The following SMARCAD1 variants were observed in gnomAD, a reference collection of about 807,000 sequenced individuals.
SMARCAD1 encodes SNF2 related chromatin remodeling ATPase with DExD box 1.
A neutral mutation model predicts 127.1 loss-of-function variants in SMARCAD1; 25 were observed. The observed-to-expected ratio is 0.20, with a 90% CI of 0.14 to 0.27. The LOEUF (loss-of-function observed/expected upper bound fraction) is 0.27, where lower values mean the gene tolerates loss of function less well. SMARCAD1 is among the 10% of genes least tolerant of loss of function. The probability of loss-of-function intolerance (pLI) is 1.00; values close to 1 mark genes in which losing one functional copy is unlikely to be tolerated. For synonymous variants in SMARCAD1, 400 were observed against 396.9 expected, an observed-to-expected ratio of 1.01 and a Z score of -0.09; for missense variants, 807 against 1,206.0, an observed-to-expected ratio of 0.67 and a Z score of 4.90.
intron 2 of SMARCAD1, among the ~76,000 whole-genome samples, chr4:94,221,768 G>T (rs1160477693): frequency 1.3e-5 from 2 of 152,182 alleles, no homozygotes; most frequent in Admixed American, 6.5e-5. Context: ...CTAGAAACCA[G>T]ATCAACACCA....
intron 2 of SMARCAD1, among the ~76,000 whole-genome samples, chr4:94,217,782 A>G (rs1374360410): frequency 6.6e-6 from 1 of 152,242 alleles, no homozygotes; most frequent in Non-Finnish European, 1.5e-5. Flanking sequence ...GATCATAAAC[A>G]TTTATTGTGT....
chr4:94,268,254 T>C (rs1752027518), intron 10 of SMARCAD1, among the ~76,000 whole-genome samples: 1 of 152,190 alleles, frequency 6.6e-6, no homozygotes, highest in South Asian at 2.1e-4. Context: ...ATCTGTGTAG[T>C]TTTTTAAATT....
At chr4:94,247,434 C>T (rs1200121098) in intron 6 of SMARCAD1, among the ~76,000 whole-genome samples, 3 of 152,200 alleles carry the variant, frequency 2.0e-5, no homozygotes, top group Non-Finnish European at 4.4e-5. Context: ...GACCCAAGAG[C>T]AAACAACACA....
At chr4:94,247,758 A>G (rs1748669816) in intron 6 of SMARCAD1, among the ~76,000 whole-genome samples, 2 of 152,102 alleles carry the variant, frequency 1.3e-5, no homozygotes, top group African/African-American at 2.4e-5. Context: ...TGAACATTTC[A>G]TTTAGGTGGA....
rs374908092 is a variant in SMARCAD1 at position 94,218,969 on chromosome 4, G to A, written c.191-7150G>A. Among the ~76,000 whole-genome samples the A allele has an allele frequency of 6.6e-5, 10 of 151,968 alleles. 1 individual carries two copies. Among genetic ancestry groups the A allele is most frequent in the African/African-American group, 2.2e-4 (9 of 41,466 alleles). On this transcript the variant is annotated intron_variant, in intron 2 of 23. Coordinates refer to ENST00000354268, the MANE Select transcript of SMARCAD1 (RefSeq NM_020159.5). ...TGGGATTACAGATGTGCACCACCAC[G>A]CCTGGCTAATTTTTGTGTTTTTAGT...
rs115007092 is a variant in SMARCAD1, at chr4:94,227,135, G to T, written c.368+839G>T. 3.7e-3 allele frequency among the ~76,000 whole-genome samples: 558 copies of T among 152,236 alleles called. 3 individuals are homozygous for T. The highest frequency in any genetic ancestry group is 5.6e-3 in the Non-Finnish European group (380 of 68,014). ...AGAAAGTGAACCATGTAGATGTGGGGGAAAGAGTATTCCAGGCATTGGGAA... is the reference window on the plus strand; with the variant it reads ...AGAAAGTGAACCATGTAGATGTGGGTGAAAGAGTATTCCAGGCATTGGGAA... On this transcript the variant is annotated intron_variant, in intron 3 of 23. Transcript: ENST00000354268.
At chr4:94,245,738 C>G (rs1401902385) in intron 6 of SMARCAD1, among the ~76,000 whole-genome samples, 13 of 152,156 alleles carry the variant, frequency 8.5e-5, no homozygotes, top group Admixed American at 4.6e-4. Flanking sequence ...AAAATTGTAT[C>G]ATTTTTATTA....
intron 4 of SMARCAD1, 133 bp from the exon 5 acceptor site, chr4:94,236,819 A>G: frequency 1.4e-6 from 1 of 733,688 alleles, no homozygotes; most frequent in Non-Finnish European, 2.4e-6. Context: ...CATAGGACTT[A>G]ATGAACTTAA....
At chr4:94,281,183 A>T (rs1753970023) in intron 20 of SMARCAD1, among the ~76,000 whole-genome samples, 1 of 152,178 alleles carries the variant, frequency 6.6e-6, no homozygotes, top group African/African-American at 2.4e-5. Context: ...AGTTGTCCAC[A>T]TTTTCCGACG....
At chr4:94,283,817 C>G (rs1455082893) in intron 22 of SMARCAD1, among the ~76,000 whole-genome samples, 3 of 151,878 alleles carry the variant, frequency 2.0e-5, no homozygotes, top group Non-Finnish European at 4.4e-5. Flanking sequence ...CAGAGCAAGA[C>G]TCCATCTCAA....
chr4:94,264,700 GC>G lies in SMARCAD1; in HGVS notation c.1282-6del, dbSNP rs545877374. 3.5e-3 allele frequency: 5,638 copies of G among 1,607,032 alleles called. 21 individuals are homozygous for G. Among genetic ancestry groups the G allele is most frequent in the Non-Finnish European group, 4.0e-3 (4,737 of 1,175,676 alleles). On this transcript the variant is annotated splice_region_variant and splice_polypyrimidine_tract_variant and intron_variant, in intron 9 of 23. Coordinates refer to ENST00000354268, the MANE Select transcript of SMARCAD1 (RefSeq NM_020159.5). ...ACTATTCAATTATTTTTCTTTTTAT[GC>G]TATAGTTCACAAAGATGTCCAAAAC...
At chr4:94,220,719 TGGTGCCTTAGCACCAC>T (rs1743985264) in intron 2 of SMARCAD1, among the ~76,000 whole-genome samples, 1 of 152,284 alleles carries the variant, frequency 6.6e-6, no homozygotes, top group Non-Finnish European at 1.5e-5. Flanking sequence ...GTAAAATTGC[TGGTGCCTTAGCACCAC>T]GGATCAAGGC....
At chr4:94,215,325 G>A (rs376536310) in intron 2 of SMARCAD1, among the ~76,000 whole-genome samples, 10 of 152,238 alleles carry the variant, frequency 6.6e-5, no homozygotes, top group Non-Finnish European at 7.4e-5. Context: ...CATTTTAAAT[G>A]TGCATGTATT....
chr4:94,278,654 G>C lies in SMARCAD1; in HGVS notation c.2217G>C (p.Glu739Asp). ...KQLPPKKDRI[E>D]LCAMSEKQEQ... ...TACCCCCCAAGAAAGATCGAATTGA[G>C]TTGTGTGCAATGTCGGAGAAGCAGG... The change falls in exon 18 of 24, where the codon GAG becomes GAC. Residue 739 changes from glutamate (E) to aspartate (D), a missense_variant. Around this residue, in one of 8 missense-constraint regions of SMARCAD1, gnomAD observed 148 missense variants for 313.2 expected, o/e 0.47. Transcript: ENST00000354268. 1 of 1,613,982 alleles carries C rather than the reference G, an allele frequency of 6.2e-7. No homozygotes were observed. The highest frequency in any genetic ancestry group is 8.5e-7 in the Non-Finnish European group (1 of 1,179,984).
At chr4:94,275,796 C>G (rs867040679) in intron 14 of SMARCAD1, among the ~76,000 whole-genome samples, 6 of 85,412 alleles carry the variant, frequency 7.0e-5, no homozygotes, top group Non-Finnish European at 1.5e-4. Flanking sequence ...TTAACATTTT[C>G]TTTTTTTTTT....
chr4:94,269,791 C>T (rs1440447496), intron 10 of SMARCAD1, among the ~76,000 whole-genome samples: 1 of 152,032 alleles, frequency 6.6e-6, no homozygotes, highest in African/African-American at 2.4e-5. Context: ...ACCTCAGTCT[C>T]CTGAGTAGCT....
chr4:94,214,561 T>C (rs9307137), intron 2 of SMARCAD1, among the ~76,000 whole-genome samples: 92,860 of 151,862 alleles, frequency 0.61, 30,953 homozygotes, highest in African/African-American at 0.89. Context: ...CCACCGCACC[T>C]GGCCAAGCGT....
At chr4:94,223,734 A>ATTTTTTTTT (rs944591007) in intron 2 of SMARCAD1, among the ~76,000 whole-genome samples, 7 of 100,168 alleles carry the variant, frequency 7.0e-5, no homozygotes, top group African/African-American at 2.6e-4. Context: ...CTCCCGGCTA[A>ATTTTTTTTT]TTTTTTTTTT....
At chr4:94,209,004 C>G (rs113541533) in intron 2 of SMARCAD1, among the ~76,000 whole-genome samples, 1 of 152,180 alleles carries the variant, frequency 6.6e-6, no homozygotes, top group African/African-American at 2.4e-5. Context: ...CTAAAGACAA[C>G]CTCTGTACAC....
Sources: allele counts gnomAD v4.1 joint callset (sites outside exome capture counted in the v4.1 genomes callset), GRCh38; gene constraint gnomAD v4.1.1; regional missense constraint gnomAD v4.1.1; transcripts MANE v1.5; gene names NCBI Gene and HGNC (gene_info 2026-07-23, HGNC 2026-07-21).